The following KMO variants were observed in gnomAD, a reference collection of about 807,000 sequenced individuals.
KMO encodes kynurenine 3-monooxygenase.
Under a neutral mutation model 57.8 loss-of-function variants are expected in KMO, and 24 were observed. The observed-to-expected ratio is 0.42, with a 90% confidence interval of 0.30 to 0.58. KMO has a LOEUF of 0.58. KMO is among the 20% of genes least tolerant of loss of function. The pLI is 0.22. For missense variants in KMO, 483 were observed against 588.2 expected (o/e 0.82, Z 1.85); for synonymous variants, 210 against 193.6 (o/e 1.08, Z -0.70).
intron 2 of KMO, among the ~76,000 whole-genome samples, chr1:241,549,260 A>AGTAG (rs780673892): frequency 1.4e-5 from 2 of 139,036 alleles, no homozygotes; most frequent in Non-Finnish European, 3.1e-5. Context: ...AAAGAAAGAA[A>AGTAG]GAAAGAAAGG....
intron 8 of KMO, among the ~76,000 whole-genome samples, chr1:241,565,732 A>G (rs752281225): frequency 1.6e-4 from 24 of 152,086 alleles, no homozygotes; most frequent in Non-Finnish European, 3.1e-4. Flanking sequence ...TCAAAAAAAA[A>G]GAGAGCATGG....
chr1:241,568,432 CT>C, intron 9 of KMO, 67 bp from the exon 10 acceptor site: 1 of 1,459,360 alleles, frequency 6.9e-7, no homozygotes, highest in Non-Finnish European at 9.5e-7. Context: ...TTTAGTAAAC[CT>C]GAAAGAATTT....
rs1051393928 is a variant in KMO, at chr1:241,595,370, A to C, written c.*3217A>C. Reference sequence around the variant, plus strand: ...ATCATAATATCACACAATGGAAGGAACCTAGATTCCTAAATGACTGCATAG... The same window carrying C: ...ATCATAATATCACACAATGGAAGGACCCTAGATTCCTAAATGACTGCATAG... On this transcript the variant is annotated 3_prime_UTR_variant, in exon 15 of 15. Transcript: ENST00000366559. 6.6e-6 allele frequency: 1 copy of C among 152,206 alleles called. No individual in the cohort carries two copies. The highest frequency in any genetic ancestry group is 1.5e-5 in the Non-Finnish European group (1 of 68,064). The allele number at this position is 152,206 out of a possible 1,614,324, so 9.4% of individuals were successfully genotyped here. A position where few individuals can be genotyped will look rare whatever the true frequency, so the allele number is the denominator to read the frequency against.
chr1:241,536,611 G>A (rs1660762652), intron 1 of KMO: 13 of 358,512 alleles, frequency 3.6e-5, no homozygotes, highest in Non-Finnish European at 5.1e-5. Context: ...TCCTGCTGTT[G>A]CAATGTATGT....
rs1663373924 is a variant in KMO, at chr1:241,592,985, G to A, written c.*832G>A. Reference sequence around the variant, plus strand: ...AGACCGGGTCTTGCCATGCTGCCCAGGCCAGTCTCAAACTCCTGGCCTCAT... The same window carrying A: ...AGACCGGGTCTTGCCATGCTGCCCAAGCCAGTCTCAAACTCCTGGCCTCAT... On this transcript the variant is annotated 3_prime_UTR_variant, in exon 15 of 15. Transcript: ENST00000366559. 6.2e-6 allele frequency: 1 copy of A among 160,872 alleles called. No homozygotes were observed. The highest frequency in any genetic ancestry group is 2.4e-5 in the African/African-American group (1 of 41,636). The allele number at this position is 160,872 out of a possible 1,614,324, so 10.0% of individuals were successfully genotyped here. A position where few individuals can be genotyped will look rare whatever the true frequency, so the allele number is the denominator to read the frequency against.
chr1:241,577,905 C>G (rs2147975784), intron 10 of KMO, among the ~76,000 whole-genome samples: 1 of 152,276 alleles, frequency 6.6e-6, no homozygotes, highest in Admixed American at 6.5e-5. Flanking sequence ...CTCCCCTTTT[C>G]CTTCTGGCCT....
In KMO at chr1:241,557,314, G is replaced by A. The variant is rs551901841; in HGVS notation, c.361+1654G>A. 2.0e-3 allele frequency among the ~76,000 whole-genome samples: 310 copies of A among 152,240 alleles called. 2 individuals are homozygous for A. Among genetic ancestry groups the A allele is most frequent in the African/African-American group, 6.5e-3 (268 of 41,528 alleles). On this transcript the variant is annotated intron_variant, in intron 5 of 14. Transcript: ENST00000366559. Reference sequence around the variant, plus strand: ...CCTCCCTTCAGCATTTGCATTCAACGGATTTATTCCCAGCAAAGCATGCCA... The same window carrying A: ...CCTCCCTTCAGCATTTGCATTCAACAGATTTATTCCCAGCAAAGCATGCCA...
At position 241,592,007 on chromosome 1, in the gene KMO, T is replaced by C. The variant is rs771032370; in HGVS notation, c.1315T>C (p.Tyr439His). The change falls in exon 15 of 15, where the codon TAC (tyrosine) becomes CAC (histidine). Residue 439 changes from tyrosine to histidine, a missense_variant. Transcript: ENST00000366559. ...ATCACTGATAGCCATCAGCAGTACC[T>C]ACCTACTTATACACTACATGTCACC... ...LGSLIAISST[Y>H]LLIHYMSPRS... 5.0e-6 allele frequency: 8 copies of C among 1,613,902 alleles called. No individual in the cohort carries two copies. The Admixed American group carries it at 1.3e-4, about 27-fold the overall frequency.
intron 1 of KMO, among the ~76,000 whole-genome samples, chr1:241,534,948 G>A (rs1406393330): frequency 6.6e-5 from 10 of 151,352 alleles, no homozygotes; most frequent in Non-Finnish European, 8.8e-5. Context: ...TACCAGTATC[G>A]GAAATTACAC....
At chr1:241,547,278 T>G (rs933076404) in intron 1 of KMO, among the ~76,000 whole-genome samples, 2 of 152,160 alleles carry the variant, frequency 1.3e-5, no homozygotes, top group African/African-American at 2.4e-5. Context: ...AATAAAAGAT[T>G]GGTGAATATG....
chr1:241,550,086 T>G (rs1166077436), intron 3 of KMO: 10 of 230,102 alleles, frequency 4.3e-5, no homozygotes, highest in Non-Finnish European at 7.6e-5. Flanking sequence ...TTCCTTTTTT[T>G]TTTCAATTGC....
chr1:241,576,491 G>A (rs1007251298), intron 10 of KMO, among the ~76,000 whole-genome samples: 2 of 152,066 alleles, frequency 1.3e-5, no homozygotes, highest in African/African-American at 4.8e-5. Context: ...GTCTGAAAAT[G>A]CCTTTATCTC....
In KMO at chr1:241,594,650, C is replaced by T. The variant is rs756271002; in HGVS notation, c.*2497C>T. The T allele has an allele frequency of 1.2e-6, 2 of 1,614,054 alleles. No homozygotes were observed. The highest frequency in any genetic ancestry group is 4.5e-5 in the East Asian group (2 of 44,864). ...GGTCTTTAGCAGGCCTCTGGCACCT[C>T]AGCAGTCGGAGGCACAGAAGCTGCA... On this transcript the variant is annotated 3_prime_UTR_variant, in exon 15 of 15. Coordinates refer to ENST00000366559, the MANE Select transcript of KMO (RefSeq NM_003679.5).
chr1:241,591,470 G>T (rs1446351738), intron 14 of KMO, among the ~76,000 whole-genome samples: 1 of 151,684 alleles, frequency 6.6e-6, no homozygotes, highest in East Asian at 1.9e-4. Flanking sequence ...CCATGGGAAA[G>T]CACCTGACTC....
chr1:241,590,370 C>A, intron 14 of KMO, 107 bp downstream of exon 14: 2 of 894,170 alleles, frequency 2.2e-6, no homozygotes, highest in Non-Finnish European at 3.6e-6. Context: ...GGACAGACAC[C>A]AACTGTTTGC....
chr1:241,558,299 A>G (rs1661712503), intron 5 of KMO, among the ~76,000 whole-genome samples: 1 of 152,272 alleles, frequency 6.6e-6, no homozygotes, highest in Non-Finnish European at 1.5e-5. Context: ...ACAATTTCAT[A>G]AATGCCATAA....
chr1:241,540,368 A>G (rs1660917474), intron 1 of KMO, among the ~76,000 whole-genome samples: 1 of 151,364 alleles, frequency 6.6e-6, no homozygotes, highest in Non-Finnish European at 1.5e-5. Flanking sequence ...ATCTATATAC[A>G]TATATATATA....
intron 1 of KMO, among the ~76,000 whole-genome samples, chr1:241,532,982 G>C (rs186499063): frequency 6.6e-6 from 1 of 152,320 alleles, no homozygotes; most frequent in East Asian, 1.9e-4. Flanking sequence ...CTAGTTATAT[G>C]AGTAATTGGG....
chr1:241,574,665 T>G (rs1474991383), intron 10 of KMO, among the ~76,000 whole-genome samples: 1 of 152,082 alleles, frequency 6.6e-6, no homozygotes, highest in Non-Finnish European at 1.5e-5. Flanking sequence ...TGGATTTGGT[T>G]AGCTAGTATG....
Sources: allele counts gnomAD v4.1 joint callset (sites outside exome capture counted in the v4.1 genomes callset), GRCh38; gene constraint gnomAD v4.1.1; transcripts MANE v1.5; gene names NCBI Gene and HGNC (gene_info 2026-07-23, HGNC 2026-07-21).